Variants in SYNE1 observed in about 807,000 individuals in gnomAD.
SYNE1 encodes the protein nesprin-1.
Under a neutral mutation model 1,111.0 loss-of-function variants are expected in SYNE1, and 616 were observed. The observed-to-expected ratio is 0.55, with a 90% CI of 0.52 to 0.59. SYNE1 has a LOEUF of 0.59. SYNE1 is among the 20% of genes least tolerant of loss of function. The pLI is 0.00. For missense variants in SYNE1, 10,006 were observed against 10,417.0 expected (o/e 0.96, Z 1.72); for synonymous variants, 3,855 against 3,825.8 (o/e 1.01, Z -0.28).
At chr6:152,532,362 T>A (rs2099207449) in intron 4 of SYNE1, among the ~76,000 whole-genome samples, 1 of 152,234 alleles carries the variant, frequency 6.6e-6, no homozygotes, top group Non-Finnish European at 1.5e-5. Context: ...TTTTTACTTT[T>A]GAGAAAAGAG....
intron 3 of SYNE1, among the ~76,000 whole-genome samples, chr6:152,551,153 A>G (rs1312063360): frequency 1.3e-5 from 2 of 152,192 alleles, no homozygotes; most frequent in African/African-American, 4.8e-5. Context: ...AAGTAATGAA[A>G]ATACCTTTTA....
At chr6:152,402,813 T>C in intron 46 of SYNE1, 1 of 152,460 alleles carries the variant, frequency 6.6e-6, no homozygotes, top group Non-Finnish European at 1.5e-5. Flanking sequence ...AAGAGAAGAC[T>C]AGAGTACACC....
intron 14 of SYNE1, 37 bp downstream of exon 14, chr6:152,483,048 C>T (rs1223767719): frequency 1.2e-6 from 2 of 1,613,346 alleles, no homozygotes; most frequent in East Asian, 2.2e-5. Context: ...CACAGTAGGG[C>T]TGTTATGCTG....
chr6:152,126,017 T>C (rs555250413), intron 145 of SYNE1: 10 of 152,444 alleles, frequency 6.6e-5, no homozygotes, highest in Admixed American at 2.0e-4. Flanking sequence ...ATTTACAGAA[T>C]GTGGACTCCT....
chr6:152,218,806 T>C (rs1447671604), intron 120 of SYNE1, among the ~76,000 whole-genome samples, 197 bp downstream of exon 120: 3 of 150,124 alleles, frequency 2.0e-5, no homozygotes, highest in Non-Finnish European at 4.4e-5. Flanking sequence ...AAACCGATTT[T>C]AAAATTCCTT....
intron 74 of SYNE1, among the ~76,000 whole-genome samples, chr6:152,343,648 C>A (rs2096579926): frequency 6.6e-6 from 1 of 152,008 alleles, no homozygotes; most frequent in African/African-American, 2.4e-5. Context: ...CCTGCCTCAG[C>A]CTCCTCAGCC....
intron 5 of SYNE1, 104 bp from the exon 6 acceptor site, chr6:152,520,646 C>A: frequency 8.1e-7 from 1 of 1,239,980 alleles, no homozygotes; most frequent in South Asian, 1.3e-5. Context: ...GAAGAATATT[C>A]AAAAGCAACC....
At chr6:152,497,226 C>T (rs2099004734) in intron 11 of SYNE1, among the ~76,000 whole-genome samples, 1 of 152,158 alleles carries the variant, frequency 6.6e-6, no homozygotes, top group African/African-American at 2.4e-5. Context: ...CACTCAGAAT[C>T]ACTCAATATA....
intron 145 of SYNE1, chr6:152,129,270 C>G (rs1268141413): frequency 6.6e-6 from 1 of 152,270 alleles, no homozygotes; most frequent in Non-Finnish European, 1.5e-5. Context: ...TGCATCATAA[C>G]ATAAGCGCTT....
intron 107 of SYNE1, 75 bp from the exon 108 acceptor site, chr6:152,239,781 G>T (rs9479275): frequency 1.3e-6 from 2 of 1,543,480 alleles, no homozygotes; most frequent in Non-Finnish European, 8.9e-7. Flanking sequence ...GTTTAGGGCC[G>T]GGTGCGGTGG....
At chr6:152,271,879 C>G (rs1442044918) in intron 98 of SYNE1, among the ~76,000 whole-genome samples, 1 of 152,194 alleles carries the variant, frequency 6.6e-6, no homozygotes, top group Non-Finnish European at 1.5e-5. Context: ...CTCTGCTTTT[C>G]TCTTCAGCAA....
At position 152,419,762 on chromosome 6, in the gene SYNE1, T is replaced by G. The variant is rs758406174; in HGVS notation, c.5268-40A>C. On this transcript the variant is annotated intron_variant, in intron 39 of 145. Coordinates refer to ENST00000367255, the MANE Select transcript of SYNE1 (RefSeq NM_182961.4). ...TATTAAAGTTAAAATGTCCCATAAGTAAACAGAAAGGATTAATGATGTATT... is the reference window on the plus strand; with the variant it reads ...TATTAAAGTTAAAATGTCCCATAAGGAAACAGAAAGGATTAATGATGTATT... The G allele has an allele frequency of 1.0e-5, 16 of 1,605,950 alleles. 1 individual carries two copies. The Admixed American group carries it at 1.5e-4, about 15-fold the overall frequency.
chr6:152,233,516 G>A (rs909677035), intron 112 of SYNE1, among the ~76,000 whole-genome samples: 4 of 152,030 alleles, frequency 2.6e-5, no homozygotes, highest in Admixed American at 2.0e-4. Context: ...GTAGAGACGG[G>A]GTTTCACCGT....
At chr6:152,290,718 T>G (rs898367498) in intron 95 of SYNE1, among the ~76,000 whole-genome samples, 5 of 152,132 alleles carry the variant, frequency 3.3e-5, no homozygotes, top group Non-Finnish European at 5.9e-5. Flanking sequence ...GGGAAAGAAA[T>G]AAAAACTAAA....
intron 133 of SYNE1, among the ~76,000 whole-genome samples, 165 bp downstream of exon 133, chr6:152,154,727 G>A (rs1472322967): frequency 1.2e-4 from 18 of 151,852 alleles, no homozygotes; most frequent in Admixed American, 9.2e-4. Context: ...CCCTTCATAC[G>A]TATGACTACG....
chr6:152,505,142 T>C, intron 9 of SYNE1, 59 bp downstream of exon 9: 1 of 1,587,086 alleles, frequency 6.3e-7, no homozygotes, highest in South Asian at 1.1e-5. Context: ...ATTTCTGGGT[T>C]TAAGACATAA....
At chr6:152,199,504 T>C (rs1451567277) in intron 127 of SYNE1, among the ~76,000 whole-genome samples, 1 of 152,204 alleles carries the variant, frequency 6.6e-6, no homozygotes, top group Non-Finnish European at 1.5e-5. Flanking sequence ...CCCTGTCTTT[T>C]AGGGGAATGA....
chr6:152,151,772 G>A (rs773805112), intron 134 of SYNE1, 82 bp from the exon 135 acceptor site: 20 of 1,553,866 alleles, frequency 1.3e-5, no homozygotes, highest in Non-Finnish European at 1.7e-5. Flanking sequence ...GCGAATTCCA[G>A]TGTTCTGTAA....
At chr6:152,434,799 A>G (rs2098458422) in intron 33 of SYNE1, 1 of 152,174 alleles carries the variant, frequency 6.6e-6, no homozygotes, top group Non-Finnish European at 1.5e-5. Flanking sequence ...CCTGTTTACC[A>G]AAAGGCACTT....
Sources: allele counts gnomAD v4.1 joint callset (sites outside exome capture counted in the v4.1 genomes callset), GRCh38; gene constraint gnomAD v4.1.1; transcripts MANE v1.5; gene names NCBI Gene and HGNC (gene_info 2026-07-23, HGNC 2026-07-21).